CNOT6L: variants seen among roughly 807,000 people sequenced by gnomAD.
CNOT6L encodes CCR4-NOT transcription complex subunit 6 like.
A neutral mutation model predicts 64.0 loss-of-function variants in CNOT6L; 7 were observed. The observed-to-expected ratio is 0.11, with a 90% confidence interval of 0.06 to 0.21. The LOEUF (loss-of-function observed/expected upper bound fraction) is 0.21. Ranked by LOEUF, CNOT6L falls within the 10% of genes least tolerant of loss-of-function variation. The pLI is 1.00. For missense variants in CNOT6L, 245 were observed against 669.0 expected, an observed-to-expected ratio of 0.37 and a Z score of 6.99; for synonymous variants, 193 against 243.4, an observed-to-expected ratio of 0.79 and a Z score of 1.93.
intron 1 of CNOT6L, among the ~76,000 whole-genome samples, chr4:77,781,735 T>C (rs1176723329): frequency 6.6e-6 from 1 of 152,158 alleles, no homozygotes. Context: ...GATGCCTCTA[T>C]AGCGTATGTA....
intron 4 of CNOT6L, among the ~76,000 whole-genome samples, chr4:77,771,029 T>A (rs1727480913): frequency 6.6e-6 from 1 of 152,090 alleles, no homozygotes; most frequent in African/African-American, 2.4e-5. Flanking sequence ...GATTCAACAG[T>A]AAATTATTCG....
chr4:77,799,108 T>C (rs1731202320), intron 1 of CNOT6L, among the ~76,000 whole-genome samples: 1 of 152,036 alleles, frequency 6.6e-6, no homozygotes, highest in African/African-American at 2.4e-5. Flanking sequence ...TTCTTAGAGC[T>C]TTATTTATAA....
rs1283053049 is a variant in CNOT6L, at chr4:77,744,615, T to G, written c.717+103A>C. 3.2e-6 allele frequency: 3 copies of G among 950,472 alleles called. No homozygotes were observed. The Admixed American group carries it at 1.1e-4, about 34-fold the overall frequency. 58.9% of individuals were successfully genotyped at this position (950,472 alleles called of 1,614,324 possible). The stretch of plus-strand genomic sequence containing the variant: ...TAAGAGGAGAGAAAACAATTCTTTT[T>G]GAGCTTTGGCTCTAAACACAGGATC... On this transcript the variant is annotated intron_variant, in intron 7 of 11. Transcript: ENST00000504123.
chr4:77,777,480 C>T (rs1009212090), intron 1 of CNOT6L, among the ~76,000 whole-genome samples: 5 of 152,128 alleles, frequency 3.3e-5, no homozygotes, highest in African/African-American at 1.2e-4. Flanking sequence ...AAGTAGGTGA[C>T]AAATGGCTCT....
intron 4 of CNOT6L, among the ~76,000 whole-genome samples, chr4:77,760,121 C>G (rs115274466): frequency 0.032 from 4,920 of 151,986 alleles, 258 homozygotes; most frequent in African/African-American, 0.11. Flanking sequence ...ACCTGTAATC[C>G]CAGTGCTTTG....
chr4:77,753,194 A>AAAAAAAAAAAACCCAGAAAG (rs1725047885), intron 5 of CNOT6L, among the ~76,000 whole-genome samples: 3 of 150,000 alleles, frequency 2.0e-5, no homozygotes, highest in Admixed American at 6.6e-5. Flanking sequence ...CCTACCAGAA[A>AAAAAAAAAAAACCCAGAAAG]AAAAAAAAAA....
At chr4:77,761,588 G>A (rs13103523) in intron 4 of CNOT6L, among the ~76,000 whole-genome samples, 35,496 of 152,054 alleles carry the variant, frequency 0.23, 5,155 homozygotes, top group East Asian at 0.47. Context: ...TTGCATTAAT[G>A]ACAAAAACCA....
intron 1 of CNOT6L, among the ~76,000 whole-genome samples, chr4:77,793,981 C>T (rs186218632): frequency 2.0e-5 from 3 of 151,040 alleles, no homozygotes; most frequent in Admixed American, 2.0e-4. Context: ...TAAAACCCCA[C>T]CTCTACTAAA....
At chr4:77,788,049 TTC>T (rs1376669693) in intron 1 of CNOT6L, among the ~76,000 whole-genome samples, 2 of 152,220 alleles carry the variant, frequency 1.3e-5, no homozygotes, top group East Asian at 1.9e-4. Context: ...TTGACCAAAC[TTC>T]TTTTTTGTTC....
chr4:77,725,154 A>AT (rs988751984), intron 11 of CNOT6L, among the ~76,000 whole-genome samples: 26 of 152,004 alleles, frequency 1.7e-4, no homozygotes, highest in Admixed American at 4.6e-4. Context: ...TTTCTAAGCA[A>AT]TTTTTTTTCT....
At chr4:77,789,493 A>T (rs997305433) in intron 1 of CNOT6L, among the ~76,000 whole-genome samples, 1 of 152,020 alleles carries the variant, frequency 6.6e-6, no homozygotes, top group African/African-American at 2.4e-5. Flanking sequence ...CCTGGGCAAC[A>T]TGGCAAGACC....
chr4:77,787,767 A>G (rs966941269), intron 1 of CNOT6L, among the ~76,000 whole-genome samples: 3 of 152,264 alleles, frequency 2.0e-5, no homozygotes, highest in African/African-American at 7.2e-5. Flanking sequence ...GCTACTACAT[A>G]TAAGTTATTT....
intron 10 of CNOT6L, among the ~76,000 whole-genome samples, chr4:77,727,365 G>A (rs2109875951): frequency 6.6e-6 from 1 of 152,026 alleles, no homozygotes; most frequent in East Asian, 1.9e-4. Flanking sequence ...TCAGGAGTTC[G>A]AGACCAGCCT....
At position 77,770,467 on chromosome 4, in the gene CNOT6L, T is replaced by C. The variant is rs182234612; in HGVS notation, c.400+2614A>G. On this transcript the variant is annotated intron_variant, in intron 4 of 11. Transcript: ENST00000504123. ...CATTAGCAACACTGTATCCCTTCAA[T>C]TGCTTCAAAAGCCACTCCTGCTATT... Among the ~76,000 whole-genome samples the C allele has an allele frequency of 2.3e-3, 350 of 152,326 alleles. 4 individuals carry two copies. Among genetic ancestry groups the C allele is most frequent in the African/African-American group, 8.0e-3 (331 of 41,588 alleles).
chr4:77,782,444 C>G (rs1728965870), intron 1 of CNOT6L, among the ~76,000 whole-genome samples: 1 of 152,010 alleles, frequency 6.6e-6, no homozygotes, highest in Non-Finnish European at 1.5e-5. Context: ...GTGGTCCTCC[C>G]TCCTCAGACT....
rs1720630480 is a variant in CNOT6L at position 77,715,301 on chromosome 4, G to T, written c.*5130C>A. 1 of 151,948 alleles carries T rather than the reference G, an allele frequency of 6.6e-6. No individual in the cohort carries two copies. Among genetic ancestry groups the T allele is most frequent in the Admixed American group, 6.6e-5 (1 of 15,230 alleles). The allele number at this position is 151,948 out of a possible 1,614,324, so 9.4% of individuals were successfully genotyped here. A position where few individuals can be genotyped will look rare whatever the true frequency, so the allele number is the denominator to read the frequency against. On this transcript the variant is annotated 3_prime_UTR_variant, in exon 12 of 12. Coordinates refer to ENST00000504123, the MANE Select transcript of CNOT6L (RefSeq NM_144571.3). The stretch of plus-strand genomic sequence containing the variant: ...TTCCATAATGTGATTTGTTTCTGAT[G>T]ACATACTTCTAAAATGCAGTTCAAT...
At chr4:77,806,201 G>A (rs749938082) in intron 1 of CNOT6L, among the ~76,000 whole-genome samples, 3 of 152,134 alleles carry the variant, frequency 2.0e-5, no homozygotes, top group South Asian at 2.1e-4. Flanking sequence ...TGAGGCCGGC[G>A]GATCACCTGA....
At chr4:77,774,863 G>T in intron 2 of CNOT6L, 147 bp from the exon 3 acceptor site, 1 of 538,576 alleles carries the variant, frequency 1.9e-6, no homozygotes, top group African/African-American at 2.0e-5. Flanking sequence ...AATGCCATTT[G>T]ATTGCTTCCA....
At chr4:77,796,266 T>C (rs1730837691) in intron 1 of CNOT6L, among the ~76,000 whole-genome samples, 1 of 152,078 alleles carries the variant, frequency 6.6e-6, no homozygotes, top group Admixed American at 6.6e-5. Context: ...AAAATAAAAT[T>C]GGAGGATTTA....
Sources: gnomAD v4.1 joint callset for allele counts (sites outside exome capture counted in the v4.1 genomes callset) on GRCh38, gnomAD v4.1.1 for gene constraint, MANE v1.5 for transcripts, NCBI Gene and HGNC (gene_info 2026-07-23, HGNC 2026-07-21) for gene names.